DST: variants seen among roughly 807,000 people sequenced by gnomAD.
DST encodes the protein bullous pemphigoid antigen.
In DST, 253 loss-of-function variants were observed where a neutral mutation model predicts 875.2. That is an observed-to-expected ratio of 0.29 (90% CI 0.26 to 0.32). The LOEUF (loss-of-function observed/expected upper bound fraction) is 0.32, where lower values mean the gene tolerates loss of function less well. Ranked by LOEUF, DST falls within the 10% of genes least tolerant of loss-of-function variation. DST has a pLI of 1.00. For synonymous variants in DST, 3,124 were observed against 3,197.1 expected, an observed-to-expected ratio of 0.98 and a Z score of 0.77; for missense variants, 8,287 against 9,111.6, an observed-to-expected ratio of 0.91 and a Z score of 3.68.
chr6:56,501,440 A>G, intron 79 of DST, 80 bp downstream of exon 79: 2 of 1,242,624 alleles, frequency 1.6e-6, no homozygotes, highest in Non-Finnish European at 2.2e-6. Flanking sequence ...AATAATTCTA[A>G]TTTTATCTTT....
At chr6:56,841,003 T>C (rs2099799299) in intron 4 of DST, among the ~76,000 whole-genome samples, 1 of 152,028 alleles carries the variant, frequency 6.6e-6, no homozygotes, top group Non-Finnish European at 1.5e-5. Flanking sequence ...CCCTTTAAGT[T>C]TAAATGAGAA....
intron 9 of DST, 127 bp from the exon 10 acceptor site, chr6:56,670,934 T>C (rs571569845): frequency 1.6e-4 from 84 of 541,372 alleles, no homozygotes; most frequent in African/African-American, 1.3e-3. Context: ...CTTCATGAGA[T>C]TGTTAAGAGA....
chr6:56,658,919 G>A (rs1452877903), intron 10 of DST, among the ~76,000 whole-genome samples: 2 of 152,210 alleles, frequency 1.3e-5, no homozygotes, highest in Non-Finnish European at 2.9e-5. Context: ...CAGTGCATGA[G>A]TGGGGAGCCA....
chr6:56,606,320 C>G lies in DST; in HGVS notation c.8308G>C (p.Glu2770Gln), dbSNP rs767619178. 22 of 1,610,126 alleles carry G rather than the reference C, an allele frequency of 1.4e-5. No individual in the cohort carries two copies. Among genetic ancestry groups the G allele is most frequent in the Non-Finnish European group, 1.8e-5 (21 of 1,177,936 alleles). Residue 2770 changes from glutamate (E) to glutamine (Q), a missense_variant, in exon 40 of 104, where the codon GAA becomes CAA. Glu to Gln is a conservative substitution (Grantham distance 29). Around this residue, in one of 10 missense-constraint regions of DST, gnomAD observed 3,138 missense variants for 3,116.6 expected, o/e 1.01. Transcript: ENST00000680361. ...AATTCCTGTCCAGTTACATACTCTT[C>G]CTTTCTTCCTCTCCAACTGCCACTG... ...DDSGSWRGRKEEYVTGQEFHS... is the reference protein window; with the variant it reads ...DDSGSWRGRKQEYVTGQEFHS...
intron 4 of DST, among the ~76,000 whole-genome samples, chr6:56,778,914 G>A (rs1452239680): frequency 6.6e-6 from 1 of 151,974 alleles, no homozygotes; most frequent in Non-Finnish European, 1.5e-5. Context: ...TGGGATGACT[G>A]GGTCAAATGG....
At position 56,890,844 on chromosome 6, in the gene DST, T is replaced by C. The variant is rs575639346; in HGVS notation, c.417+9577A>G. Among the ~76,000 whole-genome samples the C allele has an allele frequency of 3.3e-5, 5 of 152,346 alleles. No individual in the cohort carries two copies. In the East Asian group the frequency reaches 9.6e-4, roughly 29 times the overall value. On this transcript the variant is annotated intron_variant, in intron 3 of 103. Coordinates refer to ENST00000680361, the MANE Select transcript of DST (RefSeq NM_001374736.1). The stretch of plus-strand genomic sequence containing the variant: ...CTCATGGGCCTATTTCTTATTTAGA[T>C]TGCCACTAGAAATGCCTTGAGTGCT...
At chr6:56,828,239 T>C (rs1227415621) in intron 4 of DST, among the ~76,000 whole-genome samples, 1 of 152,072 alleles carries the variant, frequency 6.6e-6, no homozygotes. Flanking sequence ...AACACACTAA[T>C]CCAAGAGCAG....
At chr6:56,661,731 C>T (rs2099043434) in intron 10 of DST, among the ~76,000 whole-genome samples, 1 of 152,108 alleles carries the variant, frequency 6.6e-6, no homozygotes, top group Non-Finnish European at 1.5e-5. Flanking sequence ...GGATTACAGG[C>T]ACCTGCCACC....
At chr6:56,837,945 G>A (rs1393713140) in intron 4 of DST, among the ~76,000 whole-genome samples, 2 of 151,372 alleles carry the variant, frequency 1.3e-5, no homozygotes, top group South Asian at 2.1e-4. Flanking sequence ...GAATAAGAAG[G>A]GGTCTCATTT....
chr6:56,558,769 C>G (rs78530109), intron 58 of DST, among the ~76,000 whole-genome samples: 3 of 152,260 alleles, frequency 2.0e-5, no homozygotes, highest in East Asian at 1.9e-4. Context: ...TACTCTGAGA[C>G]GATCCTCTAA....
At chr6:56,730,415 A>C (rs2099492815) in intron 5 of DST, among the ~76,000 whole-genome samples, 1 of 152,160 alleles carries the variant, frequency 6.6e-6, no homozygotes, top group Non-Finnish European at 1.5e-5. Flanking sequence ...TACTTAACTC[A>C]TAGGTGCCAT....
rs886751700 is a variant in DST at position 56,618,311 on chromosome 6, C to G, written c.4930-3827G>C. On this transcript the variant is annotated intron_variant, in intron 36 of 103. Coordinates refer to ENST00000680361, the MANE Select transcript of DST (RefSeq NM_001374736.1). ...TTGAGTCCATCTCAACAGAGGGGAT[C>G]TGGGTGTTGGGTGAAGGTGTCCAGT... The G allele has an allele frequency of 1.9e-6, 3 of 1,614,136 alleles. No homozygotes were observed. In the South Asian group the frequency reaches 3.3e-5, roughly 18 times the overall value.
intron 61 of DST, among the ~76,000 whole-genome samples, chr6:56,551,877 C>T (rs1269397773): frequency 1.3e-5 from 2 of 152,206 alleles, no homozygotes; most frequent in African/African-American, 4.8e-5. Flanking sequence ...ACGGTCACCA[C>T]AGATGGCAAT....
intron 5 of DST, among the ~76,000 whole-genome samples, chr6:56,729,716 T>C (rs965657556): frequency 6.6e-6 from 1 of 152,196 alleles, no homozygotes; most frequent in Admixed American, 6.5e-5. Context: ...AGCTTTTTTT[T>C]CTGTTCTCTA....
intron 2 of DST, among the ~76,000 whole-genome samples, chr6:56,938,942 C>T (rs936375853): frequency 6.6e-6 from 1 of 152,244 alleles, no homozygotes. Flanking sequence ...GGGCACAGCC[C>T]AGATCACCAA....
intron 9 of DST, among the ~76,000 whole-genome samples, chr6:56,686,345 A>G (rs1361746466): frequency 6.6e-6 from 1 of 152,218 alleles, no homozygotes; most frequent in Non-Finnish European, 1.5e-5. Flanking sequence ...CTACCTATCA[A>G]GTATTACATG....
intron 4 of DST, among the ~76,000 whole-genome samples, chr6:56,800,345 A>G (rs986818808): frequency 6.6e-6 from 1 of 152,184 alleles, no homozygotes; most frequent in Non-Finnish European, 1.5e-5. Context: ...TTTAGAGTCA[A>G]CTCTATTGAT....
intron 2 of DST, among the ~76,000 whole-genome samples, chr6:56,947,419 T>A (rs1052921801): frequency 3.3e-5 from 5 of 151,998 alleles, no homozygotes; most frequent in Non-Finnish European, 7.4e-5. Flanking sequence ...CCCAGCTAAT[T>A]TTTGTATTTT....
At chr6:56,912,860 G>A (rs1315352666) in intron 2 of DST, among the ~76,000 whole-genome samples, 1 of 152,170 alleles carries the variant, frequency 6.6e-6, no homozygotes, top group Admixed American at 6.5e-5. Context: ...CAGTTACAAG[G>A]TCATCACCAA....
Sources: gnomAD v4.1 joint callset for allele counts (sites outside exome capture counted in the v4.1 genomes callset) on GRCh38, gnomAD v4.1.1 for gene constraint, gnomAD v4.1.1 regional missense constraint, MANE v1.5 for transcripts, NCBI Gene and HGNC (gene_info 2026-07-23, HGNC 2026-07-21) for gene names.